The following SLC17A1 variants were observed in gnomAD, a reference collection of about 807,000 sequenced individuals.
The protein encoded by SLC17A1 is solute carrier family 17 member 1.
In SLC17A1, 51 loss-of-function variants were observed where a neutral mutation model predicts 53.5. The observed-to-expected ratio is 0.95, with a 90% CI of 0.76 to 1.20. SLC17A1 has a LOEUF of 1.20. Ranked by LOEUF, SLC17A1 falls within the 50% of genes most tolerant of loss-of-function variation. The probability of loss-of-function intolerance (pLI) is 0.00; values close to 1 mark genes in which losing one functional copy is unlikely to be tolerated. For synonymous variants in SLC17A1, 179 were observed against 198.8 expected, an observed-to-expected ratio of 0.90 and a Z score of 0.84; for missense variants, 538 against 568.2, an observed-to-expected ratio of 0.95 and a Z score of 0.54.
the SLC17A1 span, chr6:25,773,615 A>G: frequency 7.4e-6 from 12 of 1,613,762 alleles, no homozygotes; most frequent in East Asian, 2.5e-4. Context: ...GCTTTTTTAT[A>G]CCATTATGGC....
intron 12 of SLC17A1, among the ~76,000 whole-genome samples, chr6:25,792,365 C>G (rs1203382044): frequency 6.6e-6 from 1 of 152,174 alleles, no homozygotes; most frequent in African/African-American, 2.4e-5. Flanking sequence ...CGGTGGCTCA[C>G]GCCTGTAATC....
intron 12 of SLC17A1, among the ~76,000 whole-genome samples, chr6:25,787,019 C>T (rs1763396686): frequency 6.6e-6 from 1 of 150,378 alleles, no homozygotes; most frequent in African/African-American, 2.5e-5. Context: ...GTACTTTTTA[C>T]TACCTAAGAG....
the SLC17A1 span, chr6:25,726,068 G>A: frequency 1.4e-4 from 203 of 1,400,484 alleles, 1 homozygote; most frequent in East Asian, 3.9e-3. Context: ...GACGGTAGGT[G>A]GCTCTGAAAA....
At chr6:25,760,207 T>C in the SLC17A1 span, among the ~76,000 whole-genome samples, 1 of 152,216 alleles carries the variant, frequency 6.6e-6, no homozygotes, top group African/African-American at 2.4e-5. Context: ...CGAAGCACAT[T>C]TTCCCATGTT....
the SLC17A1 span, among the ~76,000 whole-genome samples, chr6:25,725,777 G>A: frequency 6.6e-6 from 1 of 151,970 alleles, no homozygotes; most frequent in Non-Finnish European, 1.5e-5. Flanking sequence ...GTTTCTGTGG[G>A]GACAGGGTCT....
intron 10 of SLC17A1, among the ~76,000 whole-genome samples, chr6:25,802,710 T>C (rs773019301): frequency 1.3e-5 from 2 of 152,096 alleles, no homozygotes; most frequent in Non-Finnish European, 2.9e-5. Flanking sequence ...TCATTGTTTC[T>C]GTTAAGAAGG....
At chr6:25,727,340 C>T in the SLC17A1 span, 36 of 1,499,004 alleles carry the variant, frequency 2.4e-5, no homozygotes, top group South Asian at 9.5e-5. Flanking sequence ...TTTTCAGAGC[C>T]ACTTAAACAT....
rs373347326 is a variant in SLC17A1 at position 25,811,530 on chromosome 6, G to T, written c.1046C>A (p.Ala349Glu). The T allele has an allele frequency of 1.6e-5, 26 of 1,613,782 alleles. No homozygotes were observed. Among genetic ancestry groups the T allele is most frequent in the Non-Finnish European group, 2.1e-5 (25 of 1,179,892 alleles). Residue 349 changes from alanine (A) to glutamate (E), a missense_variant, in exon 10 of 13, where the codon GCA becomes GAA. Transcript: ENST00000244527. ...LFTAAGFLLP[A>E]IFGVCLPYLS... The stretch of plus-strand genomic sequence containing the variant: ...GTAAGGCAGGCAGACACCAAAGATT[G>T]CAGGAAGGAGAAATCCTGGGGAGTG...
rs1764263192 is a variant in SLC17A1, at chr6:25,814,375, A to C, written c.617-1162T>G. On this transcript the variant is annotated intron_variant, in intron 6 of 12. Coordinates refer to ENST00000244527, the MANE Select transcript of SLC17A1 (RefSeq NM_005074.5). ...AATTATTTTATTCAATCAACTTCCC[A>C]AAAATTCATATAATACTGTTTATTA... 2.0e-5 allele frequency among the ~76,000 whole-genome samples: 3 copies of C among 152,226 alleles called. No individual in the cohort carries two copies. In the South Asian group the frequency reaches 6.2e-4, roughly 31 times the overall value.
intron 8 of SLC17A1, 148 bp from the exon 9 acceptor site, chr6:25,811,918 A>G: frequency 1.2e-6 from 1 of 812,716 alleles, no homozygotes; most frequent in Non-Finnish European, 1.9e-6. Flanking sequence ...TACTGCTGGG[A>G]CCACATTACC....
chr6:25,798,369 T>A (rs1025723086), intron 12 of SLC17A1, among the ~76,000 whole-genome samples: 2 of 152,176 alleles, frequency 1.3e-5, no homozygotes, highest in African/African-American at 4.8e-5. Context: ...ACCTTTAAAG[T>A]TTCTCTTGCC....
rs1456537735 is a variant in SLC17A1, at chr6:25,819,020, T to G, written c.616+48A>C. Reference sequence around the variant, plus strand: ...TTATATTGGGTTTTAATGTTTAAATTTTTTTAGATTCTGAATAATAACTAG... The same window carrying G: ...TTATATTGGGTTTTAATGTTTAAATGTTTTTAGATTCTGAATAATAACTAG... On this transcript the variant is annotated intron_variant, in intron 6 of 12. Coordinates refer to ENST00000244527, the MANE Select transcript of SLC17A1 (RefSeq NM_005074.5). The G allele has an allele frequency of 3.8e-6, 5 of 1,310,400 alleles. No homozygotes were observed. In the Admixed American group the frequency reaches 1.2e-4, roughly 32 times the overall value. 81.2% of individuals were successfully genotyped at this position (1,310,400 alleles called of 1,614,324 possible).
intron 12 of SLC17A1, among the ~76,000 whole-genome samples, chr6:25,784,620 C>A (rs910649515): frequency 1.2e-4 from 18 of 152,150 alleles, no homozygotes; most frequent in African/African-American, 4.3e-4. Context: ...TCGTACTACG[C>A]CCCACTTTTA....
At chr6:25,811,324 T>C (rs1052197474) in intron 10 of SLC17A1, 74 bp downstream of exon 10, 35 of 1,441,502 alleles carry the variant, frequency 2.4e-5, no homozygotes, top group Non-Finnish European at 3.2e-5. Context: ...TTTTAAATCA[T>C]CATGTTGTGC....
At chr6:25,829,463 G>C (rs540286896) in intron 2 of SLC17A1, among the ~76,000 whole-genome samples, 52 of 152,270 alleles carry the variant, frequency 3.4e-4, no homozygotes, top group Non-Finnish European at 5.1e-4. Flanking sequence ...GAAGTGAATG[G>C]ATCTAGAAAG....
downstream of SLC17A1, among the ~76,000 whole-genome samples, chr6:25,778,393 C>A (rs1239686458): frequency 6.6e-6 from 1 of 151,942 alleles, no homozygotes; most frequent in Non-Finnish European, 1.5e-5. Context: ...AAAGAGTATT[C>A]TTTATGAAAT....
the SLC17A1 span, among the ~76,000 whole-genome samples, chr6:25,738,575 T>A: frequency 3.3e-5 from 5 of 151,828 alleles, no homozygotes; most frequent in African/African-American, 1.2e-4. Context: ...TCTGTGAAAG[T>A]CTCCGTGAAG....
intron 12 of SLC17A1, among the ~76,000 whole-genome samples, chr6:25,796,858 C>G (rs1434242752): frequency 6.6e-6 from 1 of 152,150 alleles, no homozygotes; most frequent in Non-Finnish European, 1.5e-5. Flanking sequence ...TGTCTCTCAG[C>G]CCCTCTCTCT....
At chr6:25,757,100 C>T in the SLC17A1 span, among the ~76,000 whole-genome samples, 9 of 152,134 alleles carry the variant, frequency 5.9e-5, no homozygotes, top group South Asian at 2.1e-4. Flanking sequence ...AGTGTGTTTT[C>T]GAATTCCAGT....
Sources: gnomAD v4.1 joint callset for allele counts (sites outside exome capture counted in the v4.1 genomes callset) on GRCh38, gnomAD v4.1.1 for gene constraint, MANE v1.5 for transcripts, NCBI Gene and HGNC (gene_info 2026-07-23, HGNC 2026-07-21) for gene names.